NPHP4: variants seen among roughly 807,000 people sequenced by gnomAD.
NPHP4 encodes the protein nephrocystin 4.
NPHP4 carries 151 observed loss-of-function variants against 155.8 expected under a neutral mutation model. The ratio of observed to expected loss-of-function variants is 0.97; its 90% confidence interval spans 0.85 to 1.11. The LOEUF is 1.11. Among genes scored for constraint, NPHP4 ranks in the 50% least tolerant of loss-of-function variants. The probability of loss-of-function intolerance (pLI) is 0.00; values close to 1 mark genes in which losing one functional copy is unlikely to be tolerated. For synonymous variants in NPHP4, 845 were observed against 816.8 expected, an observed-to-expected ratio of 1.03 and a Z score of -0.59; for missense variants, 1,956 against 1,925.7, an observed-to-expected ratio of 1.02 and a Z score of -0.29.
chr1:5,947,742 T>C (rs1570583300), intron 8 of NPHP4, among the ~76,000 whole-genome samples: 1 of 152,246 alleles, frequency 6.6e-6, no homozygotes, highest in South Asian at 2.1e-4. Flanking sequence ...TGCTGCCCCC[T>C]GACTCTCCGT....
At chr1:5,865,317 A>G in intron 26 of NPHP4, 44 bp from the exon 27 acceptor site, 2 of 1,468,736 alleles carry the variant, frequency 1.4e-6, no homozygotes, top group Non-Finnish European at 1.8e-6. Flanking sequence ...CGGAGGACTC[A>G]GCACCGGCCC....
chr1:5,978,062 T>C (rs1276526663), intron 3 of NPHP4, among the ~76,000 whole-genome samples: 1 of 151,484 alleles, frequency 6.6e-6, no homozygotes, highest in African/African-American at 2.4e-5. Context: ...AGCTCTCTCA[T>C]CTGTTTAAGA....
rs974111116 is a variant in NPHP4 at position 5,947,330 on chromosome 1, G to A, written c.993-100C>T. The A allele has an allele frequency of 2.4e-6, 3 of 1,234,996 alleles. No individual in the cohort carries two copies. The African/African-American group carries it at 4.5e-5, about 18-fold the overall frequency. The allele number at this position is 1,234,996 out of a possible 1,614,324, so 76.5% of individuals were successfully genotyped here. A position where few individuals can be genotyped will look rare whatever the true frequency, so the allele number is the denominator to read the frequency against. ...TCAGAACAGTCAAGGGGACACCCTGGGGGACACAGGGGTGCTGCTGCAACA... is the reference window on the plus strand; with the variant it reads ...TCAGAACAGTCAAGGGGACACCCTGAGGGACACAGGGGTGCTGCTGCAACA... On this transcript the variant is annotated intron_variant, in intron 8 of 29. Coordinates refer to ENST00000378156, the MANE Select transcript of NPHP4 (RefSeq NM_015102.5).
chr1:5,907,270 C>T (rs371663004), intron 12 of NPHP4, 48 bp from the exon 13 acceptor site: 75 of 1,281,458 alleles, frequency 5.9e-5, no homozygotes, highest in Middle Eastern at 1.9e-4. Flanking sequence ...CTTGCCAGTC[C>T]GTCCACAAAG....
At chr1:5,920,587 C>T (rs1467735228) in intron 11 of NPHP4, among the ~76,000 whole-genome samples, 4 of 152,194 alleles carry the variant, frequency 2.6e-5, no homozygotes, top group African/African-American at 9.6e-5. Context: ...ATCTGCTCCA[C>T]GCCAGGCAGC....
rs1646992580 is a variant in NPHP4, at chr1:5,944,655, A to G, written c.1119+2449T>C. 6.6e-6 allele frequency among the ~76,000 whole-genome samples: 1 copy of G among 152,260 alleles called. No homozygotes were observed. Among genetic ancestry groups the G allele is most frequent in the Non-Finnish European group, 1.5e-5 (1 of 68,046 alleles). On this transcript the variant is annotated intron_variant, in intron 9 of 29. Coordinates refer to ENST00000378156, the MANE Select transcript of NPHP4 (RefSeq NM_015102.5). The surrounding 1 kb of genome is among the most constrained non-coding windows in gnomAD (Gnocchi z 4.3). ...AGTGGAATCCAGTATTCCCAGTTAC[A>G]ATCGACCAGCACATCGGAAAGTACC...
chr1:5,954,347 T>C (rs1188507362), intron 6 of NPHP4, among the ~76,000 whole-genome samples: 1 of 152,234 alleles, frequency 6.6e-6, no homozygotes, highest in Non-Finnish European at 1.5e-5. Flanking sequence ...AAAAGAATAG[T>C]AACATATGAA....
intron 2 of NPHP4, among the ~76,000 whole-genome samples, chr1:5,983,088 G>C (rs1165193017): frequency 6.6e-6 from 1 of 152,206 alleles, no homozygotes; most frequent in Non-Finnish European, 1.5e-5. Context: ...GTTAAGAGAT[G>C]ACAAGGTGAT....
intron 3 of NPHP4, among the ~76,000 whole-genome samples, chr1:5,975,030 G>A (rs1056229619): frequency 1.3e-5 from 2 of 152,180 alleles, no homozygotes; most frequent in Admixed American, 6.5e-5. Context: ...CCCTAAAAAG[G>A]GCAAAGGGTG....
chr1:5,955,896 C>T (rs1247416267), intron 6 of NPHP4, among the ~76,000 whole-genome samples: 1 of 152,194 alleles, frequency 6.6e-6, no homozygotes, highest in Non-Finnish European at 1.5e-5. Flanking sequence ...TCTGAATGTC[C>T]TGACCACACA....
intron 4 of NPHP4, 67 bp from the exon 5 acceptor site, chr1:5,967,430 A>T (rs1651733837): frequency 6.4e-6 from 8 of 1,252,856 alleles, no homozygotes; most frequent in Non-Finnish European, 9.2e-6. Flanking sequence ...AAGCACATGG[A>T]GGCCTCAGCC....
intron 11 of NPHP4, among the ~76,000 whole-genome samples, chr1:5,922,542 GT>G (rs57418765): frequency 4.6e-4 from 67 of 147,030 alleles, no homozygotes; most frequent in African/African-American, 1.2e-3. Context: ...CTTGACTATG[GT>G]TTTTTTTTTT....
intron 19 of NPHP4, chr1:5,879,346 A>T: frequency 2.8e-6 from 1 of 352,854 alleles, no homozygotes; most frequent in South Asian, 2.2e-5. Context: ...GAGGCCTTAC[A>T]TTTTAAGGGG....
Position 5,989,473 on chromosome 1 carries a change from G to A in NPHP4, c.-39+2771C>T, listed in dbSNP as rs1033552163. Among the ~76,000 whole-genome samples, 8 of 152,152 alleles carry A rather than the reference G, an allele frequency of 5.3e-5. No homozygotes were observed. The South Asian group carries it at 8.3e-4, about 16-fold the overall frequency. Reference sequence around the variant, plus strand: ...TGTGCTTCCCTTGGTCACATCATTCGTCACCTATCTTGTGTTGAATTGCTC... The same window carrying A: ...TGTGCTTCCCTTGGTCACATCATTCATCACCTATCTTGTGTTGAATTGCTC... On this transcript the variant is annotated intron_variant, in intron 1 of 29. Coordinates refer to ENST00000378156, the MANE Select transcript of NPHP4 (RefSeq NM_015102.5).
intron 3 of NPHP4, among the ~76,000 whole-genome samples, chr1:5,974,702 C>A (rs1225296174): frequency 1.3e-5 from 2 of 149,332 alleles, no homozygotes; most frequent in Non-Finnish European, 3.0e-5. Flanking sequence ...AAAAAAAAAA[C>A]CACCCAGCTC....
At chr1:5,888,757 A>G (rs990148493) in intron 17 of NPHP4, 4 of 475,750 alleles carry the variant, frequency 8.4e-6, no homozygotes, top group African/African-American at 2.1e-5. Flanking sequence ...CACACTGTGA[A>G]GCCAAGGACA....
intron 12 of NPHP4, 131 bp downstream of exon 12, chr1:5,909,021 G>T: frequency 1.3e-6 from 1 of 774,580 alleles, no homozygotes; most frequent in Non-Finnish European, 2.3e-6. Context: ...CAGCCCCGCC[G>T]CCGCCAGCAG....
chr1:5,907,825 C>T (rs1461420309), intron 12 of NPHP4, among the ~76,000 whole-genome samples: 1 of 152,216 alleles, frequency 6.6e-6, no homozygotes, highest in Non-Finnish European at 1.5e-5. Flanking sequence ...AACTGCAGGA[C>T]TGTTAGGAGA....
intron 18 of NPHP4, 117 bp from the exon 19 acceptor site, chr1:5,880,356 G>A (rs377364581): frequency 1.8e-5 from 18 of 983,058 alleles, no homozygotes; most frequent in East Asian, 1.3e-4. Flanking sequence ...ACCCTGACAC[G>A]CTAAGGCCCC....
Sources: gnomAD v4.1 joint callset for allele counts (sites outside exome capture counted in the v4.1 genomes callset) on GRCh38, gnomAD v4.1.1 for gene constraint, Gnocchi (gnomAD v3.1) non-coding constraint, MANE v1.5 for transcripts, NCBI Gene and HGNC (gene_info 2026-07-23, HGNC 2026-07-21) for gene names.